Variants in TASP1 observed in about 807,000 individuals in gnomAD.
TASP1 encodes threonine aspartase 1.
TASP1 carries 16 observed loss-of-function variants against 56.6 expected under a neutral mutation model. The observed-to-expected ratio is 0.28, with a 90% CI of 0.19 to 0.43. TASP1 has a LOEUF of 0.43. Ranked by LOEUF, TASP1 falls within the 20% of genes least tolerant of loss-of-function variation. The pLI is 1.00. For synonymous variants in TASP1, 179 were observed against 184.2 expected (o/e 0.97, Z 0.23); for missense variants, 393 against 511.6 (o/e 0.77, Z 2.24).
At chr20:13,110,980 G>A in the TASP1 span, among the ~76,000 whole-genome samples, 2 of 152,018 alleles carry the variant, frequency 1.3e-5, no homozygotes, top group African/African-American at 2.4e-5. Flanking sequence ...CTTTCAGCCC[G>A]CTAATCTCAT....
the TASP1 span, among the ~76,000 whole-genome samples, chr20:13,247,517 GGTGTGTGTGTGT>G: frequency 3.6e-5 from 5 of 139,806 alleles, no homozygotes; most frequent in South Asian, 2.3e-4. Context: ...CAAAGTGAGG[GGTGTGTGTGTGT>G]GTGTGTGTGT....
chr20:13,195,587 C>T, the TASP1 span, among the ~76,000 whole-genome samples: 2 of 152,166 alleles, frequency 1.3e-5, no homozygotes, highest in Non-Finnish European at 2.9e-5. Context: ...CGGTAACTGG[C>T]TTGCTATCAC....
chr20:13,197,816 C>A, the TASP1 span, among the ~76,000 whole-genome samples: 1 of 152,160 alleles, frequency 6.6e-6, no homozygotes, highest in Non-Finnish European at 1.5e-5. Flanking sequence ...AGTTCAAATT[C>A]TACCCTGGCT....
chr20:13,200,297 T>C, the TASP1 span, among the ~76,000 whole-genome samples: 1 of 152,200 alleles, frequency 6.6e-6, no homozygotes, highest in African/African-American at 2.4e-5. Context: ...AGGTGTTGAG[T>C]GCTCACCATT....
rs151138898 is a variant in TASP1 at position 13,431,707 on chromosome 20, G to A, written c.1096+3337C>T. On this transcript the variant is annotated intron_variant, in intron 12 of 13. Coordinates refer to ENST00000337743, the MANE Select transcript of TASP1 (RefSeq NM_017714.3). ...CATGTTGAAACCTATTCCCCAATAC[G>A]GCAGTATTAAGATGTGGGACCCTGA... is the stretch of plus-strand genomic sequence containing the variant. Among the ~76,000 whole-genome samples the A allele has an allele frequency of 4.6e-3, 695 of 152,214 alleles. 3 individuals are homozygous for A. Among genetic ancestry groups the A allele is most frequent in the East Asian group, 0.012 (60 of 5,178 alleles).
chr20:13,109,774 C>T, the TASP1 span, among the ~76,000 whole-genome samples: 1 of 152,196 alleles, frequency 6.6e-6, no homozygotes, highest in Non-Finnish European at 1.5e-5. Context: ...GAGTTCATTT[C>T]AGCCTGCAAC....
chr20:13,411,473 T>A (rs1437790829), intron 13 of TASP1, among the ~76,000 whole-genome samples: 9 of 152,246 alleles, frequency 5.9e-5, no homozygotes, highest in Non-Finnish European at 1.3e-4. Context: ...CAGTGTTTTG[T>A]AGCCTTCCTA....
chr20:13,387,184 A>ACT (rs2041169407), downstream of TASP1, among the ~76,000 whole-genome samples: 1 of 70,694 alleles, frequency 1.4e-5, no homozygotes, highest in East Asian at 3.7e-4. Flanking sequence ...ACATGATTTC[A>ACT]TTTTTTTTTT....
chr20:13,375,329 C>T, the TASP1 span, among the ~76,000 whole-genome samples: 18 of 150,530 alleles, frequency 1.2e-4, no homozygotes, highest in East Asian at 2.8e-3. Context: ...TGAGAAAATG[C>T]GGTGTTTGGT....
chr20:13,134,129 T>C, the TASP1 span, among the ~76,000 whole-genome samples: 1 of 152,200 alleles, frequency 6.6e-6, no homozygotes, highest in Non-Finnish European at 1.5e-5. Context: ...GCAGCTACCA[T>C]ATAACAATCC....
chr20:13,565,887 T>C (rs1333995045), intron 7 of TASP1, among the ~76,000 whole-genome samples: 2 of 152,152 alleles, frequency 1.3e-5, no homozygotes, highest in Admixed American at 6.5e-5. Context: ...AAACAGATAT[T>C]TGCATAGCCA....
intron 4 of TASP1, among the ~76,000 whole-genome samples, chr20:13,621,546 T>C (rs2048718145): frequency 6.6e-6 from 1 of 152,094 alleles, no homozygotes; most frequent in Admixed American, 6.6e-5. Flanking sequence ...CAAGCAAAAA[T>C]AATAGAACAA....
intron 10 of TASP1, among the ~76,000 whole-genome samples, chr20:13,521,257 A>G (rs1433844831): frequency 6.6e-6 from 1 of 152,186 alleles, no homozygotes; most frequent in East Asian, 1.9e-4. Flanking sequence ...CATTTGACCC[A>G]GCAATCCCAT....
At chr20:13,255,058 G>A in the TASP1 span, among the ~76,000 whole-genome samples, 3 of 152,300 alleles carry the variant, frequency 2.0e-5, no homozygotes, top group South Asian at 6.2e-4. Context: ...ACAGAAGAAA[G>A]CCCATAAATA....
chr20:13,342,609 A>G, the TASP1 span, among the ~76,000 whole-genome samples: 1 of 152,072 alleles, frequency 6.6e-6, no homozygotes, highest in Non-Finnish European at 1.5e-5. Flanking sequence ...GGGCACGTTC[A>G]CCTCACCAGC....
the TASP1 span, among the ~76,000 whole-genome samples, chr20:13,297,321 G>A: frequency 7.9e-5 from 12 of 152,236 alleles, no homozygotes; most frequent in South Asian, 4.1e-4. Flanking sequence ...TTCTCTATGC[G>A]GTTTCCCAGA....
chr20:13,354,227 C>T, the TASP1 span, among the ~76,000 whole-genome samples: 2 of 152,078 alleles, frequency 1.3e-5, no homozygotes, highest in South Asian at 2.1e-4. Context: ...CTAAAAGATT[C>T]AAGATCCAAA....
the TASP1 span, among the ~76,000 whole-genome samples, chr20:13,274,667 CCCG>C: frequency 6.8e-6 from 1 of 147,328 alleles, no homozygotes; most frequent in African/African-American, 2.5e-5. Flanking sequence ...CTCTCCACTC[CCCG>C]CCCCCCCCGC....
the TASP1 span, among the ~76,000 whole-genome samples, chr20:13,362,290 G>A: frequency 1.3e-5 from 2 of 151,874 alleles, no homozygotes; most frequent in African/African-American, 4.8e-5. Flanking sequence ...TGACTTGCAC[G>A]TATATGCCCA....
Sources: allele counts gnomAD v4.1 joint callset (sites outside exome capture counted in the v4.1 genomes callset), GRCh38; gene constraint gnomAD v4.1.1; transcripts MANE v1.5; gene names NCBI Gene and HGNC (gene_info 2026-07-23, HGNC 2026-07-21).